SGCZ: variants seen among roughly 807,000 people sequenced by gnomAD.
The protein encoded by SGCZ is zeta-sarcoglycan.
A neutral mutation model predicts 41.3 loss-of-function variants in SGCZ; 40 were observed. That is an observed-to-expected ratio of 0.97 (90% CI 0.75 to 1.26). SGCZ has a LOEUF of 1.26. Ranked by LOEUF, SGCZ falls within the 50% of genes most tolerant of loss-of-function variation. The probability of loss-of-function intolerance (pLI) is 0.00; values close to 1 mark genes in which losing one functional copy is unlikely to be tolerated. For synonymous variants in SGCZ, 206 were observed against 137.5 expected (o/e 1.50, Z -3.49); for missense variants, 552 against 369.8 (o/e 1.49, Z -4.04).
intron 2 of SGCZ, among the ~76,000 whole-genome samples, chr8:14,348,070 C>T (rs891824585): frequency 2.0e-5 from 3 of 151,966 alleles, no homozygotes; most frequent in Non-Finnish European, 2.9e-5. Flanking sequence ...CACGGAGACC[C>T]AGCTGCAGAC....
At chr8:14,992,658 C>CAATCTACTCCCA (rs1802059406) in intron 1 of SGCZ, among the ~76,000 whole-genome samples, 1 of 144,660 alleles carries the variant, frequency 6.9e-6, no homozygotes, top group African/African-American at 2.6e-5. Flanking sequence ...CCTCCTCGTT[C>CAATCTACTCCCA]AATCTACTCC....
intron 4 of SGCZ, among the ~76,000 whole-genome samples, chr8:14,199,281 TC>T (rs1805378185): frequency 6.6e-6 from 1 of 152,142 alleles, no homozygotes; most frequent in Admixed American, 6.6e-5. Context: ...AGCCCCTGTC[TC>T]CCATAGCACT....
At chr8:14,737,014 T>C (rs1799056591) in intron 1 of SGCZ, among the ~76,000 whole-genome samples, 1 of 150,830 alleles carries the variant, frequency 6.6e-6, no homozygotes, top group African/African-American at 2.4e-5. Context: ...GAAACTCTGG[T>C]ATATAGATAT....
intron 1 of SGCZ, among the ~76,000 whole-genome samples, chr8:14,744,053 T>C (rs978474290): frequency 2.0e-5 from 3 of 152,114 alleles, no homozygotes; most frequent in Admixed American, 6.6e-5. Context: ...TTACAGGCTG[T>C]TGAATAGCCA....
chr8:15,004,950 G>A (rs1802550679), intron 1 of SGCZ, among the ~76,000 whole-genome samples: 1 of 152,236 alleles, frequency 6.6e-6, no homozygotes, highest in Non-Finnish European at 1.5e-5. Flanking sequence ...CATATCTGAG[G>A]TGGTATCTAT....
At chr8:14,246,909 C>CAAAAAAAAAAAAAAAAAA (rs5889525) in intron 3 of SGCZ, among the ~76,000 whole-genome samples, 1 of 84,352 alleles carries the variant, frequency 1.2e-5, no homozygotes. Context: ...GACTCCATCT[C>CAAAAAAAAAAAAAAAAAA]AAAAAAAAAA....
chr8:14,917,795 T>G (rs10108956), intron 1 of SGCZ, among the ~76,000 whole-genome samples: 23,118 of 152,098 alleles, frequency 0.15, 1,912 homozygotes, highest in South Asian at 0.23. Context: ...ATTTCGTGTC[T>G]TCTATTTTGT....
chr8:15,105,254 C>G (rs1372830173), intron 1 of SGCZ, among the ~76,000 whole-genome samples: 1 of 152,132 alleles, frequency 6.6e-6, no homozygotes, highest in Non-Finnish European at 1.5e-5. Flanking sequence ...TTGCCAGTTT[C>G]ACTTCTGTAT....
At chr8:14,328,765 A>T (rs1802212775) in intron 2 of SGCZ, among the ~76,000 whole-genome samples, 1 of 152,208 alleles carries the variant, frequency 6.6e-6, no homozygotes, top group African/African-American at 2.4e-5. Flanking sequence ...CTTAAGGGCC[A>T]ATGTGATAGT....
At chr8:14,677,867 G>A (rs113145579) in intron 1 of SGCZ, among the ~76,000 whole-genome samples, 1,932 of 152,212 alleles carry the variant, frequency 0.013, 36 homozygotes, top group African/African-American at 0.032. Context: ...GGAGGAGAAC[G>A]AAGTTGGAGG....
intron 2 of SGCZ, among the ~76,000 whole-genome samples, chr8:14,396,903 G>T (rs1035369922): frequency 6.6e-6 from 1 of 152,072 alleles, no homozygotes; most frequent in Non-Finnish European, 1.5e-5. Context: ...TTGGCTTATT[G>T]CAGGGAGCTT....
intron 2 of SGCZ, among the ~76,000 whole-genome samples, chr8:14,545,566 A>G (rs1803600591): frequency 6.6e-6 from 1 of 152,166 alleles, no homozygotes; most frequent in Admixed American, 6.6e-5. Context: ...TGCAAAAATA[A>G]GTTTACATAT....
intron 5 of SGCZ, among the ~76,000 whole-genome samples, chr8:14,124,267 T>C (rs1802784953): frequency 6.6e-6 from 1 of 152,188 alleles, no homozygotes; most frequent in African/African-American, 2.4e-5. Flanking sequence ...TTTTCCTTTG[T>C]CCTTCACTCC....
chr8:14,998,965 G>A (rs1027227031), intron 1 of SGCZ, among the ~76,000 whole-genome samples: 3 of 152,154 alleles, frequency 2.0e-5, no homozygotes, highest in African/African-American at 7.2e-5. Flanking sequence ...CAGGAATTTA[G>A]CTACTTCTAT....
chr8:14,649,418 T>C (rs1488644318), intron 1 of SGCZ, among the ~76,000 whole-genome samples: 1 of 152,108 alleles, frequency 6.6e-6, no homozygotes, highest in Non-Finnish European at 1.5e-5. Flanking sequence ...TCCCTAATTC[T>C]TCCTGTTTGA....
chr8:15,223,925 G>C (rs1801688999), intron 1 of SGCZ, among the ~76,000 whole-genome samples: 1 of 152,004 alleles, frequency 6.6e-6, no homozygotes, highest in African/African-American at 2.4e-5. Flanking sequence ...TGCAATCTCA[G>C]CTCACTGTAA....
chr8:14,458,255 G>GA (rs1346112914), intron 2 of SGCZ, among the ~76,000 whole-genome samples: 9 of 152,212 alleles, frequency 5.9e-5, no homozygotes, highest in Middle Eastern at 3.4e-3. Flanking sequence ...TATTACAAAT[G>GA]AAAAACGTAA....
intron 2 of SGCZ, among the ~76,000 whole-genome samples, chr8:14,347,729 C>T (rs528139928): frequency 3.3e-5 from 5 of 151,972 alleles, no homozygotes; most frequent in South Asian, 2.1e-4. Context: ...CCATATGTCA[C>T]GTATGTAATT....
At chr8:14,291,167 G>A (rs988963051) in intron 3 of SGCZ, among the ~76,000 whole-genome samples, 1 of 152,034 alleles carries the variant, frequency 6.6e-6, no homozygotes, top group South Asian at 2.1e-4. Context: ...AAAATGGGGA[G>A]AGTCAGGGAA....
Sources: allele counts gnomAD v4.1 joint callset (sites outside exome capture counted in the v4.1 genomes callset), GRCh38; gene constraint gnomAD v4.1.1; transcripts MANE v1.5; gene names NCBI Gene and HGNC (gene_info 2026-07-23, HGNC 2026-07-21).